The following DCAF12L1 variants were observed in gnomAD, a reference collection of about 807,000 sequenced individuals.
The protein encoded by DCAF12L1 is DDB1- and CUL4-associated factor 12-like protein 1.
For synonymous variants in DCAF12L1, 218 were observed against 196.4 expected, an observed-to-expected ratio of 1.11 and a Z score of -0.92; for missense variants, 251 against 409.2, an observed-to-expected ratio of 0.61 and a Z score of 3.34.
rs1191677607 is a variant in DCAF12L1 at position 126,551,814 on chromosome X, C to T, written c.795G>A (p.Val265=). 2 of 1,211,181 alleles carry T rather than the reference C, an allele frequency of 1.7e-6. No individual in the cohort carries two copies. Among genetic ancestry groups the T allele is most frequent in the African/African-American group, 3.5e-5 (2 of 57,583 alleles). ...TCTTGCCGCCGCAGGCCAGGGCCCG[C>T]ACCTTGCGGTTACTGGGGTTGATGA... is the stretch of plus-strand genomic sequence containing the variant. ...RAIINPSNRK[V]RALACGGKNQ... Residue 265 remains valine, a synonymous_variant, in exon 1 of 2, where the codon GTG becomes GTA. Coordinates refer to ENST00000371126, the MANE Select transcript of DCAF12L1 (RefSeq NM_178470.5).
rs776193696 is a variant in DCAF12L1 at position 126,552,502 on chromosome X, G to A, written c.107C>T (p.Pro36Leu). The change falls in exon 1 of 2, where the codon CCG becomes CTG. Residue 36 changes from proline (P) to leucine (L), a missense_variant. Transcript: ENST00000371126. ...CCGCCTCTGCCTCTTGAGTAGCAGC[G>A]GCCCCTCACCGTCCGCTGCCGCCAA... The part of the protein sequence containing the change: ...QGLAAADGEG[P>L]LLLKRQRRPA... 6.6e-6 allele frequency: 8 copies of A among 1,209,856 alleles called. No individual in the cohort carries two copies. The highest frequency in any genetic ancestry group is 7.8e-6 in the Non-Finnish European group (7 of 895,261).
rs1569420938 is a variant in DCAF12L1 at position 126,552,688 on chromosome X, G to T, written c.-80C>A. 5 of 1,139,042 alleles carry T rather than the reference G, an allele frequency of 4.4e-6. No individual in the cohort carries two copies. Among genetic ancestry groups the T allele is most frequent in the Admixed American group, 2.7e-5 (1 of 36,407 alleles). The allele number at this position is 1,139,042 out of a possible 1,213,427, so 93.9% of individuals were successfully genotyped here. A position where few individuals can be genotyped will look rare whatever the true frequency, so the allele number is the denominator to read the frequency against. ...GGCTCCGGAGTCGGTCGTGGCGGCG[G>T]CGTGGATGGCTGCGCTGGAACCGAG... is the stretch of plus-strand genomic sequence containing the variant. On this transcript the variant is annotated 5_prime_UTR_variant, in exon 1 of 2. Coordinates refer to ENST00000371126, the MANE Select transcript of DCAF12L1 (RefSeq NM_178470.5).
chrX:126,552,702 G>C lies in DCAF12L1; in HGVS notation c.-94C>G, dbSNP rs1265364104. 3.6e-6 allele frequency: 4 copies of C among 1,121,276 alleles called. No homozygotes were observed. Among genetic ancestry groups the C allele is most frequent in the East Asian group, 6.3e-5 (2 of 31,725 alleles). The allele number at this position is 1,121,276 out of a possible 1,213,427, so 92.4% of individuals were successfully genotyped here. ...TCGTGGCGGCGGCGTGGATGGCTGC[G>C]CTGGAACCGAGCCTTCGGATTCTGA... On this transcript the variant is annotated 5_prime_UTR_variant, in exon 1 of 2. Transcript: ENST00000371126.
rs977809210 is a variant in DCAF12L1 at position 126,551,599 on chromosome X, T to C, written c.1010A>G (p.Asp337Gly). ...SHVSFLDLRQ[D>G]QQNIRPLCSR... is the part of the protein sequence containing the mutation. ...ACACAGGGGCCGGATGTTCTGCTGGTCCTGGCGCAGATCCAGGAAAGAGAC... is the reference window on the plus strand; with the variant it reads ...ACACAGGGGCCGGATGTTCTGCTGGCCCTGGCGCAGATCCAGGAAAGAGAC... The change falls in exon 1 of 2, where the codon GAC becomes GGC. Residue 337 changes from aspartate to glycine, a missense_variant. By Grantham distance (94) the Asp-to-Gly change is moderately conservative (BLOSUM62 -1). Transcript: ENST00000371126. 1.3e-5 allele frequency: 16 copies of C among 1,211,194 alleles called. No homozygotes were observed. The highest frequency in any genetic ancestry group is 1.7e-5 in the African/African-American group (1 of 57,797).
chrX:126,552,344 C>G lies in DCAF12L1; in HGVS notation c.265G>C (p.Glu89Gln). Reference protein sequence around the residue: ...AVQRLPELLTERQLELGTVNK... With the variant: ...AVQRLPELLTQRQLELGTVNK... Reference sequence around the variant, plus strand: ...ACCGTGCCCAGCTCCAGTTGGCGCTCCGTCAGCAGCTCGGGCAGCCTCTGT... The same window carrying G: ...ACCGTGCCCAGCTCCAGTTGGCGCTGCGTCAGCAGCTCGGGCAGCCTCTGT... The change falls in exon 1 of 2, where the codon GAG (glutamate) becomes CAG (glutamine). Residue 89 changes from glutamate to glutamine, a missense_variant. Coordinates refer to ENST00000371126, the MANE Select transcript of DCAF12L1 (RefSeq NM_178470.5). 8.2e-7 allele frequency: 1 copy of G among 1,212,133 alleles called. No individual in the cohort carries two copies. The highest frequency in any genetic ancestry group is 1.1e-6 in the Non-Finnish European group (1 of 895,645).
chrX:126,550,666 T>G lies in DCAF12L1; in HGVS notation c.*464A>C, dbSNP rs959496362. On this transcript the variant is annotated 3_prime_UTR_variant, in exon 2 of 2. Coordinates refer to ENST00000371126, the MANE Select transcript of DCAF12L1 (RefSeq NM_178470.5). ...AAACTATATACACTAAGATCACAAT[T>G]TGTAAATTAAGTGTTTCCAAACGTA... 8.9e-6 allele frequency: 1 copy of G among 112,628 alleles called. No homozygotes were observed. Among genetic ancestry groups the G allele is most frequent in the African/African-American group, 3.2e-5 (1 of 30,879 alleles). 9.3% of individuals were successfully genotyped at this position (112,628 alleles called of 1,213,427 possible). A position where few individuals can be genotyped will look rare whatever the true frequency, so the allele number is the denominator to read the frequency against.
At position 126,552,758 on chromosome X, in the gene DCAF12L1, G is replaced by C; in HGVS notation, c.-150C>G. Reference sequence around the variant, plus strand: ...GGCAGTGGCGGACCGGGTGAGGGACGCGCGGGAGAGGGCGGCGGTGGCGGT... The same window carrying C: ...GGCAGTGGCGGACCGGGTGAGGGACCCGCGGGAGAGGGCGGCGGTGGCGGT... On this transcript the variant is annotated 5_prime_UTR_variant, in exon 1 of 2. Transcript: ENST00000371126. 1.1e-6 allele frequency: 1 copy of C among 937,644 alleles called. No individual in the cohort carries two copies. The highest frequency in any genetic ancestry group is 1.4e-6 in the Non-Finnish European group (1 of 707,021). The allele number at this position is 937,644 out of a possible 1,213,427, so 77.3% of individuals were successfully genotyped here. A position where few individuals can be genotyped will look rare whatever the true frequency, so the allele number is the denominator to read the frequency against.
chrX:126,551,664 A>G lies in DCAF12L1; in HGVS notation c.945T>C (p.Cys315=). ...CCACGGCGTACACAGACATATCATC[A>G]CAGTAGGTCAGGCACACATTATCCC... The part of the protein sequence containing the change: ...YFRDNVCLTY[C]DDMSVYAVGS... Residue 315 remains cysteine, a synonymous_variant, in exon 1 of 2, where the codon TGT becomes TGC. Coordinates refer to ENST00000371126, the MANE Select transcript of DCAF12L1 (RefSeq NM_178470.5). 1 of 1,211,823 alleles carries G rather than the reference A, an allele frequency of 8.3e-7. No individual in the cohort carries two copies. Among genetic ancestry groups the G allele is most frequent in the Non-Finnish European group, 1.1e-6 (1 of 895,552 alleles).
At position 126,549,801 on chromosome X, in the gene DCAF12L1, C is replaced by A. The variant is rs966678494; in HGVS notation, c.*1329G>T. On this transcript the variant is annotated 3_prime_UTR_variant, in exon 2 of 2. Transcript: ENST00000371126. ...AAACAGACATAACAAATTACTAATC[C>A]TGGGTCAGCACAGCCTGGCCAGTTT... 12 of 112,054 alleles carry A rather than the reference C, an allele frequency of 1.1e-4. No individual in the cohort carries two copies. The highest frequency in any genetic ancestry group is 1.0e-3 in the Admixed American group (11 of 10,538). 9.2% of individuals were successfully genotyped at this position (112,054 alleles called of 1,213,427 possible).
Position 126,551,873 on chromosome X carries a change from G to A in DCAF12L1, c.736C>T (p.Arg246Cys), listed in dbSNP as rs1035364998. The change falls in exon 1 of 2, where the codon CGT becomes TGT. Residue 246 changes from arginine (R) to cysteine (C), a missense_variant. Arg to Cys is a radical substitution (Grantham distance 180). Coordinates refer to ENST00000371126, the MANE Select transcript of DCAF12L1 (RefSeq NM_178470.5). ...GGGATGGCCTCCACATCCCTCGGAC[G>A]GATGTGGGCATATACGGGGAGACCC... is the stretch of plus-strand genomic sequence containing the variant. ...EVGLPVYAHI[R>C]PRDVEAIPRA... is the part of the protein sequence containing the mutation. 2.5e-6 allele frequency: 3 copies of A among 1,211,361 alleles called. No individual in the cohort carries two copies. Among genetic ancestry groups the A allele is most frequent in the African/African-American group, 1.7e-5 (1 of 57,680 alleles).
In DCAF12L1 at chrX:126,551,029, A is replaced by T; in HGVS notation, c.*101T>A. ...TGTTGGAAAGGAGTCAAAAAGTCTT[A>T]AAGCCAAGTTTTCATTGACCAAAGG... On this transcript the variant is annotated 3_prime_UTR_variant, in exon 2 of 2. Coordinates refer to ENST00000371126, the MANE Select transcript of DCAF12L1 (RefSeq NM_178470.5). 2.2e-6 allele frequency: 1 copy of T among 455,964 alleles called. No homozygotes were observed. The highest frequency in any genetic ancestry group is 2.4e-5 in the African/African-American group (1 of 40,961). 37.6% of individuals were successfully genotyped at this position (455,964 alleles called of 1,213,427 possible).
In DCAF12L1 at chrX:126,550,651, C is replaced by T. The variant is rs927745231; in HGVS notation, c.*479G>A. On this transcript the variant is annotated 3_prime_UTR_variant, in exon 2 of 2. Transcript: ENST00000371126. ...GCACCAACAACGTAAAAACTATATA[C>T]ACTAAGATCACAATTTGTAAATTAA... The T allele has an allele frequency of 1.8e-5, 2 of 112,419 alleles. No homozygotes were observed. The highest frequency in any genetic ancestry group is 1.9e-4 in the Admixed American group (2 of 10,574). The allele number at this position is 112,419 out of a possible 1,213,427, so 9.3% of individuals were successfully genotyped here.
Position 126,551,093 on chromosome X carries a change from C to G in DCAF12L1, c.*37G>C, listed in dbSNP as rs1159498653. 2.4e-6 allele frequency: 2 copies of G among 850,222 alleles called. No homozygotes were observed. Among genetic ancestry groups the G allele is most frequent in the East Asian group, 3.4e-5 (1 of 29,607 alleles). 70.1% of individuals were successfully genotyped at this position (850,222 alleles called of 1,213,427 possible). A position where few individuals can be genotyped will look rare whatever the true frequency, so the allele number is the denominator to read the frequency against. Reference sequence around the variant, plus strand: ...TCTGCTTGGAGGAGTACAAATTAAGCTGGGCTGGTTCCACCTGGAAAACAA... The same window carrying G: ...TCTGCTTGGAGGAGTACAAATTAAGGTGGGCTGGTTCCACCTGGAAAACAA... On this transcript the variant is annotated 3_prime_UTR_variant, in exon 2 of 2. Coordinates refer to ENST00000371126, the MANE Select transcript of DCAF12L1 (RefSeq NM_178470.5).
In DCAF12L1 at chrX:126,552,697, G is replaced by T; in HGVS notation, c.-89C>A. On this transcript the variant is annotated 5_prime_UTR_variant, in exon 1 of 2. Transcript: ENST00000371126. ...GTCGGTCGTGGCGGCGGCGTGGATG[G>T]CTGCGCTGGAACCGAGCCTTCGGAT... 8.8e-7 allele frequency: 1 copy of T among 1,133,349 alleles called. No individual in the cohort carries two copies. The highest frequency in any genetic ancestry group is 2.1e-5 in the South Asian group (1 of 47,823). 93.4% of individuals were successfully genotyped at this position (1,133,349 alleles called of 1,213,427 possible).
In DCAF12L1 at chrX:126,551,962, G is replaced by A; in HGVS notation, c.647C>T (p.Thr216Ile). 1 of 1,211,574 alleles carries A rather than the reference G, an allele frequency of 8.3e-7. No homozygotes were observed. Among genetic ancestry groups the A allele is most frequent in the East Asian group, 3.0e-5 (1 of 33,752 alleles). Residue 216 changes from threonine (T) to isoleucine (I), a missense_variant, in exon 1 of 2, where the codon ACT becomes ATT. By Grantham distance (89) the Thr-to-Ile change is moderately conservative (BLOSUM62 -1). Coordinates refer to ENST00000371126, the MANE Select transcript of DCAF12L1 (RefSeq NM_178470.5). ...CGGGTCCATCCGCCACAGCGCCACAGTGCCGTCGCGGGAGCCGCTCACGGC... is the reference window on the plus strand; with the variant it reads ...CGGGTCCATCCGCCACAGCGCCACAATGCCGTCGCGGGAGCCGCTCACGGC... ...TVAVSGSRDG[T>I]VALWRMDPDK...
At chrX:126,551,144 A>T (rs1927452722) in intron 1 of DCAF12L1, 37 bp from the exon 2 acceptor site, 11 of 1,130,055 alleles carry the variant, frequency 9.7e-6, no homozygotes, top group Non-Finnish European at 1.3e-5. Flanking sequence ...AAAAGCAAAA[A>T]AATGCAGCAT....
Position 126,551,733 on chromosome X carries a change from C to G in DCAF12L1, c.876G>C (p.Gly292=). The change falls in exon 1 of 2, where the codon GGG becomes GGC. Residue 292 remains glycine, a synonymous_variant. Transcript: ENST00000371126. ...TGGACAGCAGCCTGGATAGTGCGCT[C>G]CCGGCTTTCCACAGGTGGAAGTAGC... is the stretch of plus-strand genomic sequence containing the variant. ...LDGYFHLWKA[G]SALSRLLSIR... The G allele has an allele frequency of 8.3e-7, 1 of 1,212,108 alleles. No homozygotes were observed. The highest frequency in any genetic ancestry group is 3.0e-5 in the East Asian group (1 of 33,833).
rs1218349826 is a variant in DCAF12L1 at position 126,550,855 on chromosome X, A to G, written c.*275T>C. ...CAATGCTGTTGTAATATTGGTAACG[A>G]GGAAAAACAAGGAAAACAAATATAC... On this transcript the variant is annotated 3_prime_UTR_variant, in exon 2 of 2. Transcript: ENST00000371126. 1 of 160,309 alleles carries G rather than the reference A, an allele frequency of 6.2e-6. No individual in the cohort carries two copies. Among genetic ancestry groups the G allele is most frequent in the Non-Finnish European group, 1.2e-5 (1 of 84,865 alleles). The allele number at this position is 160,309 out of a possible 1,213,427, so 13.2% of individuals were successfully genotyped here. A position where few individuals can be genotyped will look rare whatever the true frequency, so the allele number is the denominator to read the frequency against.
Position 126,549,884 on chromosome X carries a change from C to G in DCAF12L1, c.*1246G>C, listed in dbSNP as rs922663280. The G allele has an allele frequency of 6.2e-5, 7 of 112,110 alleles. No homozygotes were observed. The Admixed American group carries it at 6.6e-4, about 11-fold the overall frequency. The allele number at this position is 112,110 out of a possible 1,213,427, so 9.2% of individuals were successfully genotyped here. On this transcript the variant is annotated 3_prime_UTR_variant, in exon 2 of 2. Coordinates refer to ENST00000371126, the MANE Select transcript of DCAF12L1 (RefSeq NM_178470.5). Reference sequence around the variant, plus strand: ...TAGTCTCACATATGGAGAAGTACAACCTGTTTTCATAGCAGTCCACAATTT... The same window carrying G: ...TAGTCTCACATATGGAGAAGTACAAGCTGTTTTCATAGCAGTCCACAATTT...
Sources: allele counts gnomAD v4.1 joint callset, GRCh38; gene constraint gnomAD v4.1.1; transcripts MANE v1.5; gene names NCBI Gene and HGNC (gene_info 2026-07-23, HGNC 2026-07-21).